The following KIFC3 variants were observed in gnomAD, a reference collection of about 807,000 sequenced individuals.
The protein encoded by KIFC3 is kinesin-like protein KIFC3.
A neutral mutation model predicts 101.8 loss-of-function variants in KIFC3; 60 were observed. That is an observed-to-expected ratio of 0.59 (90% CI 0.48 to 0.73). The LOEUF is 0.73. KIFC3 is among the 30% of genes least tolerant of loss of function. KIFC3 has a pLI of 0.00. For synonymous variants in KIFC3, 476 were observed against 482.7 expected, an observed-to-expected ratio of 0.99 and a Z score of 0.18; for missense variants, 966 against 1,137.1, an observed-to-expected ratio of 0.85 and a Z score of 2.16.
intron 1 of KIFC3, among the ~76,000 whole-genome samples, chr16:57,855,477 C>T (rs2056147213): frequency 6.6e-6 from 1 of 151,518 alleles, no homozygotes; most frequent in Non-Finnish European, 1.5e-5. Context: ...TGAATGAAAG[C>T]AAAAGTACAA....
chr16:57,773,556 T>G (rs574837045), intron 3 of KIFC3, among the ~76,000 whole-genome samples: 1 of 152,058 alleles, frequency 6.6e-6, no homozygotes, highest in South Asian at 2.1e-4. Context: ...ATCCGGGGGG[T>G]TAGGTGGGAG....
intron 6 of KIFC3, 49 bp downstream of exon 6, chr16:57,771,149 G>A (rs754631345): frequency 2.0e-5 from 32 of 1,599,740 alleles, no homozygotes; most frequent in Non-Finnish European, 2.6e-5. Flanking sequence ...CCTGCCCCAG[G>A]TGCCAGGGGC....
Position 57,764,264 on chromosome 16 carries a change from AG to A in KIFC3, c.1513-18del. 1 of 564,980 alleles carries A rather than the reference AG, an allele frequency of 1.8e-6. No individual in the cohort carries two copies. The highest frequency in any genetic ancestry group is 3.3e-6 in the Non-Finnish European group (1 of 299,660). 35.0% of individuals were successfully genotyped at this position (564,980 alleles called of 1,614,324 possible). On this transcript the variant is annotated intron_variant, in intron 11 of 19. Transcript: ENST00000445690. The stretch of plus-strand genomic sequence containing the variant: ...CTGGAACACCTGGGAGGGTGGTGGG[AG>A]GGAGGCTGGTGGGGGGGCTTCCAGG...
intron 2 of KIFC3, 50 bp downstream of exon 2, chr16:57,798,022 T>C: frequency 6.4e-7 from 1 of 1,556,184 alleles, no homozygotes; most frequent in Non-Finnish European, 8.7e-7. Context: ...ATCTCTGGTA[T>C]CTGGAGGAAG....
At chr16:57,821,450 G>A (rs562029125) in intron 1 of KIFC3, among the ~76,000 whole-genome samples, 1 of 152,148 alleles carries the variant, frequency 6.6e-6, no homozygotes, top group African/African-American at 2.4e-5. Flanking sequence ...CCAGAACAGG[G>A]AAGAGTTTAT....
At chr16:57,858,220 G>A (rs2056220767) in intron 1 of KIFC3, among the ~76,000 whole-genome samples, 1 of 152,030 alleles carries the variant, frequency 6.6e-6, no homozygotes, top group South Asian at 2.1e-4. Context: ...TAGCTTTCCT[G>A]ATACTGAATG....
chr16:57,797,928 C>A lies in KIFC3; in HGVS notation c.172+144G>T. ...CGAGACTGACGCTCCGGCTCCACGC[C>A]CGCCTGGCTCTGGGCTGTCGGTTAC... On this transcript the variant is annotated intron_variant, in intron 2 of 19. Transcript: ENST00000445690. The A allele has an allele frequency of 3.3e-6, 5 of 1,515,288 alleles. No individual in the cohort carries two copies. The South Asian group carries it at 6.4e-5, about 19-fold the overall frequency. The allele number at this position is 1,515,288 out of a possible 1,614,324, so 93.9% of individuals were successfully genotyped here.
chr16:57,857,167 T>G (rs1453874178), intron 1 of KIFC3, among the ~76,000 whole-genome samples: 1 of 152,152 alleles, frequency 6.6e-6, no homozygotes. Context: ...GCTGTGTGTC[T>G]TCCAAGGATC....
At chr16:57,771,157 G>A (rs782218134) in intron 6 of KIFC3, 41 bp downstream of exon 6, 8 of 1,602,572 alleles carry the variant, frequency 5.0e-6, no homozygotes, top group Non-Finnish European at 6.8e-6. Flanking sequence ...AGGTGCCAGG[G>A]GCCTTGGGCT....
chr16:57,792,686 C>A (rs193170134), intron 3 of KIFC3, among the ~76,000 whole-genome samples: 1 of 151,732 alleles, frequency 6.6e-6, no homozygotes, highest in Non-Finnish European at 1.5e-5. Flanking sequence ...AGTTCGGGAC[C>A]AGCCTGGGCA....
At chr16:57,809,640 G>A (rs545547997) in intron 1 of KIFC3, among the ~76,000 whole-genome samples, 1 of 152,188 alleles carries the variant, frequency 6.6e-6, no homozygotes, top group Non-Finnish European at 1.5e-5. Context: ...AGGGAAGGGA[G>A]AAGAGAGGTT....
chr16:57,828,972 G>C (rs2055518523), intron 1 of KIFC3, among the ~76,000 whole-genome samples: 1 of 152,086 alleles, frequency 6.6e-6, no homozygotes, highest in African/African-American at 2.4e-5. Context: ...GAAAACTGAG[G>C]CCCAAAAAGT....
chr16:57,844,184 G>A (rs2055868233), intron 1 of KIFC3, among the ~76,000 whole-genome samples: 1 of 151,752 alleles, frequency 6.6e-6, no homozygotes, highest in African/African-American at 2.4e-5. Context: ...TGTAATCCCA[G>A]CACTTTGGGA....
chr16:57,786,065 G>GTCTCAA (rs1371888756), intron 3 of KIFC3, among the ~76,000 whole-genome samples: 3 of 152,188 alleles, frequency 2.0e-5, no homozygotes, highest in Admixed American at 6.5e-5. Flanking sequence ...ATTTCTTTAA[G>GTCTCAA]TCTCAAACCC....
At chr16:57,772,167 A>T in intron 4 of KIFC3, 56 bp downstream of exon 4, 1 of 1,512,212 alleles carries the variant, frequency 6.6e-7, no homozygotes, top group South Asian at 1.2e-5. Flanking sequence ...GGCAGGGCCC[A>T]TCTGCACAAG....
At chr16:57,789,327 CAA>C (rs2053645885) in intron 3 of KIFC3, among the ~76,000 whole-genome samples, 2 of 152,202 alleles carry the variant, frequency 1.3e-5, no homozygotes, top group African/African-American at 4.8e-5. Context: ...GGACTCGAGA[CAA>C]AGAGAGCCAG....
At chr16:57,838,798 C>T (rs1351164659) in intron 1 of KIFC3, among the ~76,000 whole-genome samples, 1 of 152,176 alleles carries the variant, frequency 6.6e-6, no homozygotes, top group Non-Finnish European at 1.5e-5. Flanking sequence ...CTGCACCTTA[C>T]AGTCACCGCA....
chr16:57,860,078 A>C (rs561679044), intron 1 of KIFC3, among the ~76,000 whole-genome samples: 13 of 146,126 alleles, frequency 8.9e-5, no homozygotes, highest in African/African-American at 2.8e-4. Context: ...AAAATAAAAT[A>C]AAATAAAATA....
At chr16:57,786,289 AC>A (rs2050846055) in intron 3 of KIFC3, among the ~76,000 whole-genome samples, 1 of 152,262 alleles carries the variant, frequency 6.6e-6, no homozygotes, top group Admixed American at 6.5e-5. Context: ...AGAGGGAAAC[AC>A]CCGGCTGGGC....
Sources: gnomAD v4.1 joint callset for allele counts (sites outside exome capture counted in the v4.1 genomes callset) on GRCh38, gnomAD v4.1.1 for gene constraint, MANE v1.5 for transcripts, NCBI Gene and HGNC (gene_info 2026-07-23, HGNC 2026-07-21) for gene names.